FAM169A: variants seen among roughly 807,000 people sequenced by gnomAD.
FAM169A encodes soluble lamin-associated protein of 75 kDa.
FAM169A carries 24 observed loss-of-function variants against 75.7 expected under a neutral mutation model. That is an observed-to-expected ratio of 0.32 (90% CI 0.23 to 0.45). FAM169A has a LOEUF of 0.45. FAM169A is among the 20% of genes least tolerant of loss of function. The probability of loss-of-function intolerance (pLI) is 1.00; values close to 1 mark genes in which losing one functional copy is unlikely to be tolerated. For synonymous variants in FAM169A, 271 were observed against 271.0 expected, an observed-to-expected ratio of 1.00 and a Z score of 0.00; for missense variants, 673 against 784.0, an observed-to-expected ratio of 0.86 and a Z score of 1.69.
At chr5:74,863,385 G>A (rs1351027306) in intron 1 of FAM169A, among the ~76,000 whole-genome samples, 2 of 152,248 alleles carry the variant, frequency 1.3e-5, no homozygotes, top group East Asian at 3.9e-4. Flanking sequence ...CATGTGAAGA[G>A]ACTATCGTCT....
In FAM169A at chr5:74,844,498, A is replaced by C. The variant is rs183501590; in HGVS notation, c.-3-2819T>G. ...AAAAAAGAAAAGAAAAGAAAAGAAA[A>C]ATTTCCATGATAAAAAATTAAATAA... On this transcript the variant is annotated intron_variant, in intron 1 of 12. Transcript: ENST00000687041. Among the ~76,000 whole-genome samples, 3 of 151,964 alleles carry C rather than the reference A, an allele frequency of 2.0e-5. No individual in the cohort carries two copies. The East Asian group carries it at 5.8e-4, about 29-fold the overall frequency.
intron 4 of FAM169A, 41 bp from the exon 5 acceptor site, chr5:74,834,638 T>C (rs755135510): frequency 2.9e-6 from 4 of 1,399,670 alleles, no homozygotes; most frequent in Middle Eastern, 1.9e-4. Context: ...AGTTATAATA[T>C]GCATCAATCA....
chr5:74,853,942 TA>T (rs879578990), intron 1 of FAM169A, among the ~76,000 whole-genome samples: 247 of 144,460 alleles, frequency 1.7e-3, no homozygotes, highest in Admixed American at 3.3e-3. Flanking sequence ...AAGCTGAAGT[TA>T]AAAAAAAAAA....
At chr5:74,856,322 T>C (rs1241254493) in intron 1 of FAM169A, among the ~76,000 whole-genome samples, 1 of 152,184 alleles carries the variant, frequency 6.6e-6, no homozygotes, top group East Asian at 1.9e-4. Flanking sequence ...CTGTGAAGAA[T>C]GTCATTGGTA....
At chr5:74,802,525 G>A (rs184440388) in intron 8 of FAM169A, among the ~76,000 whole-genome samples, 45 of 151,810 alleles carry the variant, frequency 3.0e-4, no homozygotes, top group Non-Finnish European at 4.4e-4. Flanking sequence ...ACATGCTATC[G>A]TCTGGAATGC....
chr5:74,832,614 A>G (rs918393910), intron 5 of FAM169A, among the ~76,000 whole-genome samples: 1 of 149,528 alleles, frequency 6.7e-6, no homozygotes, highest in Non-Finnish European at 1.5e-5. Context: ...ATATAAATAC[A>G]TACGTTGTAT....
At chr5:74,865,911 G>A (rs1401295203) in intron 1 of FAM169A, 1 of 152,202 alleles carries the variant, frequency 6.6e-6, no homozygotes, top group East Asian at 1.9e-4. Flanking sequence ...TGGCGCCGAG[G>A]CGGAGGCCGG....
rs544435461 is a variant in FAM169A, at chr5:74,780,472, G to A, written c.*988C>T. On this transcript the variant is annotated 3_prime_UTR_variant, in exon 13 of 13. Transcript: ENST00000687041. ...GAAAGCTGTGGGGGAATATAAATAAGACTGTAGAATTAGGGAGGTGGCAAG... is the reference window on the plus strand; with the variant it reads ...GAAAGCTGTGGGGGAATATAAATAAAACTGTAGAATTAGGGAGGTGGCAAG... 53 of 152,318 alleles carry A rather than the reference G, an allele frequency of 3.5e-4. No individual in the cohort carries two copies. The highest frequency in any genetic ancestry group is 1.3e-3 in the African/African-American group (53 of 41,566). 9.4% of individuals were successfully genotyped at this position (152,318 alleles called of 1,614,324 possible).
Position 74,781,942 on chromosome 5 carries a change from C to T in FAM169A, c.1531G>A (p.Glu511Lys), listed in dbSNP as rs76455982. ...EGTSDEKGHM[E>K]EKLSLLPRKK... ...CTTGGAAGTAGGGACAATTTCTCTT[C>T]CATGTGCCCCTTTTCATCAGATGTG... The change falls in exon 13 of 13, where the codon GAA (glutamate) becomes AAA (lysine). Residue 511 changes from glutamate (E) to lysine (K), a missense_variant. This residue lies in a region of FAM169A where 510 missense variants were observed against 550.9 expected (regional missense o/e 0.93). Coordinates refer to ENST00000687041, the MANE Select transcript of FAM169A (RefSeq NM_001376049.1). The T allele has an allele frequency of 0.012, 20,160 of 1,614,032 alleles. 164 individuals are homozygous for T. Among genetic ancestry groups the T allele is most frequent in the Non-Finnish European group, 0.016 (18,344 of 1,179,942 alleles).
intron 1 of FAM169A, among the ~76,000 whole-genome samples, chr5:74,849,628 CTTA>C (rs957713234): frequency 6.6e-6 from 1 of 151,912 alleles, no homozygotes; most frequent in East Asian, 1.9e-4. Flanking sequence ...ATTTCTGAAC[CTTA>C]TTATGATTCC....
rs1745418812 is a variant in FAM169A, at chr5:74,781,717, G to C, written c.1756C>G (p.Leu586Val). Reference protein sequence around the residue: ...VSEPQETSTALPQSSLIEVEL... With the variant: ...VSEPQETSTAVPQSSLIEVEL... ...ACCTCTATCAAAGAACTCTGAGGAAGAGCAGTAGATGTTTCCTGGGGCTCA... is the reference window on the plus strand; with the variant it reads ...ACCTCTATCAAAGAACTCTGAGGAACAGCAGTAGATGTTTCCTGGGGCTCA... Residue 586 changes from leucine (L) to valine (V), a missense_variant, in exon 13 of 13, where the codon CTT (leucine) becomes GTT (valine). Leu to Val is a conservative substitution (Grantham distance 32). Coordinates refer to ENST00000687041, the MANE Select transcript of FAM169A (RefSeq NM_001376049.1). The C allele has an allele frequency of 1.2e-5, 19 of 1,614,188 alleles. No homozygotes were observed. The highest frequency in any genetic ancestry group is 1.5e-5 in the Non-Finnish European group (18 of 1,180,012).
rs555449189 is a variant in FAM169A, at chr5:74,841,592, A to G, written c.85T>C (p.Cys29Arg). The G allele has an allele frequency of 2.7e-5, 43 of 1,613,234 alleles. No individual in the cohort carries two copies. The African/African-American group carries it at 5.3e-4, about 20-fold the overall frequency. ...CACTCTGGATTTTCAGGGTCCCCAC[A>G]CCTTAAATCTGACATGTAATCTTCA... is the stretch of plus-strand genomic sequence containing the variant. Reference protein sequence around the residue: ...SAEDYMSDLRCGDPENPECFS... With the variant: ...SAEDYMSDLRRGDPENPECFS... Residue 29 changes from cysteine (C) to arginine (R), a missense_variant, in exon 2 of 13, where the codon TGT becomes CGT. Cys to Arg is a radical substitution (Grantham distance 180). Transcript: ENST00000687041.
rs188306499 is a variant in FAM169A at position 74,780,012 on chromosome 5, T to C, written c.*1448A>G. Reference sequence around the variant, plus strand: ...AACATTCTCCAACTTAAGTGCAAATTTGAGTACACATAATATTTCCAAAGA... The same window carrying C: ...AACATTCTCCAACTTAAGTGCAAATCTGAGTACACATAATATTTCCAAAGA... On this transcript the variant is annotated 3_prime_UTR_variant, in exon 13 of 13. Coordinates refer to ENST00000687041, the MANE Select transcript of FAM169A (RefSeq NM_001376049.1). 9.2e-5 allele frequency: 14 copies of C among 152,308 alleles called. No individual in the cohort carries two copies. The highest frequency in any genetic ancestry group is 2.6e-4 in the African/African-American group (11 of 41,564). 9.4% of individuals were successfully genotyped at this position (152,308 alleles called of 1,614,324 possible).
intron 1 of FAM169A, among the ~76,000 whole-genome samples, chr5:74,853,715 T>C (rs946238938): frequency 6.9e-6 from 1 of 145,394 alleles, no homozygotes; most frequent in African/African-American, 2.6e-5. Context: ...TTTTTTTTTT[T>C]TTTTTTTTTT....
At chr5:74,859,814 T>G (rs1175810645) in intron 1 of FAM169A, among the ~76,000 whole-genome samples, 2 of 151,082 alleles carry the variant, frequency 1.3e-5, no homozygotes, top group South Asian at 2.1e-4. Context: ...GGCCAGGAGA[T>G]CAAGACCAGC....
intron 1 of FAM169A, among the ~76,000 whole-genome samples, chr5:74,861,343 ATC>A: frequency 6.6e-6 from 1 of 152,178 alleles, no homozygotes; most frequent in South Asian, 2.1e-4. Context: ...TAGCTCCCAA[ATC>A]TCTATTATCT....
rs1194674402 is a variant in FAM169A at position 74,805,524 on chromosome 5, C to CTTTT, written c.671-244_671-241dup. 7.0e-3 allele frequency among the ~76,000 whole-genome samples: 571 copies of CTTTT among 81,908 alleles called. 54 individuals are homozygous for CTTTT. Among genetic ancestry groups the CTTTT allele is most frequent in the African/African-American group, 0.029 (527 of 18,424 alleles). The allele number at this position is 81,908 out of a possible 152,430, so 53.7% of individuals were successfully genotyped here. On this transcript the variant is annotated intron_variant, in intron 6 of 12. Coordinates refer to ENST00000687041, the MANE Select transcript of FAM169A (RefSeq NM_001376049.1). ...AAAAATCCTTTAAAAATGTGCTTCG[C>CTTTT]TTTTTTTTTTTTTTTTTTTTTTTGG...
intron 5 of FAM169A, among the ~76,000 whole-genome samples, chr5:74,829,241 G>A (rs1447916662): frequency 1.3e-5 from 2 of 151,904 alleles, no homozygotes; most frequent in African/African-American, 4.8e-5. Context: ...GTACTCAAAC[G>A]GAACGACTAT....
chr5:74,861,885 T>C (rs1750055589), intron 1 of FAM169A, among the ~76,000 whole-genome samples: 1 of 152,202 alleles, frequency 6.6e-6, no homozygotes, highest in African/African-American at 2.4e-5. Flanking sequence ...GTCATTTCAA[T>C]AAGCTTGCAA....
Sources: allele counts gnomAD v4.1 joint callset (sites outside exome capture counted in the v4.1 genomes callset), GRCh38; gene constraint gnomAD v4.1.1; regional missense constraint gnomAD v4.1.1; transcripts MANE v1.5; gene names NCBI Gene and HGNC (gene_info 2026-07-23, HGNC 2026-07-21).